Variants in TJP2 observed in about 807,000 individuals in gnomAD.
TJP2 encodes the protein Friedreich ataxia region gene X104 (tight junction protein ZO-2).
In TJP2, 91 loss-of-function variants were observed where a neutral mutation model predicts 133.1. That is an observed-to-expected ratio of 0.68 (90% CI 0.58 to 0.81). TJP2 has a LOEUF of 0.81. TJP2 is among the 40% of genes least tolerant of loss of function. TJP2 has a pLI of 0.00. For missense variants in TJP2, 1,541 were observed against 1,565.6 expected (o/e 0.98, Z 0.26); for synonymous variants, 592 against 583.4 (o/e 1.01, Z -0.21).
chr9:69,190,512 C>T (rs1826135459), intron 1 of TJP2, among the ~76,000 whole-genome samples: 1 of 152,166 alleles, frequency 6.6e-6, no homozygotes, highest in African/African-American at 2.4e-5. Flanking sequence ...AAGAACTTAC[C>T]TCTTATTAAT....
intron 2 of TJP2, among the ~76,000 whole-genome samples, chr9:69,214,501 A>G (rs2133225222): frequency 6.6e-6 from 1 of 152,328 alleles, no homozygotes; most frequent in South Asian, 2.1e-4. Context: ...TCTTCCATGC[A>G]TGAAGAAAAG....
At chr9:69,174,492 G>T (rs1217833838) in intron 1 of TJP2, 60 bp downstream of exon 1, 4 of 1,511,012 alleles carry the variant, frequency 2.6e-6, no homozygotes, top group Non-Finnish European at 3.6e-6. Flanking sequence ...GCGTGGGAGC[G>T]CTGGGGGCTC....
chr9:69,182,976 T>C (rs1158166288), intron 1 of TJP2, among the ~76,000 whole-genome samples: 2 of 151,276 alleles, frequency 1.3e-5, no homozygotes, highest in South Asian at 4.2e-4. Flanking sequence ...TTTTTTTTTT[T>C]AGTAGAGACA....
At chr9:69,216,556 A>G (rs1323324977) in intron 3 of TJP2, 93 bp downstream of exon 3, 32 of 1,401,006 alleles carry the variant, frequency 2.3e-5, no homozygotes, top group Non-Finnish European at 2.9e-5. Flanking sequence ...ATTTAAAAAA[A>G]AGAAAAAAAT....
At chr9:69,162,857 T>G (rs1465594829) in intron 2 of TJP2, among the ~76,000 whole-genome samples, 3 of 152,212 alleles carry the variant, frequency 2.0e-5, no homozygotes, top group Non-Finnish European at 4.4e-5. Context: ...ACTGCATAGT[T>G]TGAGTGAATA....
At chr9:69,248,553 C>A in intron 19 of TJP2, 7 of 1,230,930 alleles carry the variant, frequency 5.7e-6, no homozygotes, top group Non-Finnish European at 7.1e-6. Flanking sequence ...GTTGTATGTA[C>A]TTGTAACCTT....
chr9:69,240,755 T>G (rs953299400), intron 17 of TJP2, among the ~76,000 whole-genome samples: 2 of 151,310 alleles, frequency 1.3e-5, no homozygotes, highest in African/African-American at 4.9e-5. Context: ...TGAGCTGTGA[T>G]GGCACTGCTG....
chr9:69,245,933 C>G (rs963746753), intron 17 of TJP2, among the ~76,000 whole-genome samples: 3 of 152,176 alleles, frequency 2.0e-5, no homozygotes, highest in African/African-American at 7.2e-5. Flanking sequence ...AGTCAGCTCT[C>G]CATGTCTGTG....
chr9:69,222,509 T>C (rs979514162), intron 5 of TJP2, among the ~76,000 whole-genome samples: 3 of 152,162 alleles, frequency 2.0e-5, no homozygotes, highest in Admixed American at 2.0e-4. Context: ...TACCCAGCAT[T>C]GACCTAAATG....
At chr9:69,242,154 A>G (rs1830621140) in intron 17 of TJP2, among the ~76,000 whole-genome samples, 1 of 152,220 alleles carries the variant, frequency 6.6e-6, no homozygotes, top group South Asian at 2.1e-4. Flanking sequence ...GCAGCCAGTG[A>G]CTGTGGGGCT....
At chr9:69,139,558 C>T (rs1158711407) in intron 1 of TJP2, among the ~76,000 whole-genome samples, 1 of 152,172 alleles carries the variant, frequency 6.6e-6, no homozygotes, top group Non-Finnish European at 1.5e-5. Context: ...CCTACCTTCC[C>T]AGCACCTTGG....
chr9:69,175,547 A>G (rs1477838795), intron 1 of TJP2, among the ~76,000 whole-genome samples: 2 of 152,244 alleles, frequency 1.3e-5, no homozygotes, highest in African/African-American at 4.8e-5. Flanking sequence ...GTACCACTGC[A>G]TATCCTGCTT....
intron 21 of TJP2, among the ~76,000 whole-genome samples, chr9:69,251,849 G>A (rs892571473): frequency 6.6e-6 from 1 of 152,160 alleles, no homozygotes; most frequent in Non-Finnish European, 1.5e-5. Context: ...GGTCTGTGGA[G>A]TATATTTGCC....
In TJP2 at chr9:69,251,263, G is replaced by C; in HGVS notation, c.3220G>C (p.Ala1074Pro). 6.2e-7 allele frequency: 1 copy of C among 1,614,152 alleles called. No homozygotes were observed. Among genetic ancestry groups the C allele is most frequent in the Non-Finnish European group, 8.5e-7 (1 of 1,180,024 alleles). ...AGAGAGCAGTGAGGAGCAAGATAAT[G>C]CTCCCAAATCAGTCCTGGGCAAAGT... is the stretch of plus-strand genomic sequence containing the variant. Reference protein sequence around the residue: ...VGESSEEQDNAPKSVLGKVKI... With the variant: ...VGESSEEQDNPPKSVLGKVKI... Residue 1074 changes from alanine to proline, a missense_variant, in exon 21 of 23, where the codon GCT becomes CCT. Ala to Pro is a conservative substitution (Grantham distance 27). Transcript: ENST00000377245.
intron 1 of TJP2, among the ~76,000 whole-genome samples, chr9:69,208,840 C>T (rs1445523921): frequency 6.6e-6 from 1 of 151,980 alleles, no homozygotes; most frequent in Non-Finnish European, 1.5e-5. Context: ...CCCCTTAATT[C>T]ATGGGGCTAT....
intron 1 of TJP2, among the ~76,000 whole-genome samples, chr9:69,200,635 G>A (rs1291012247): frequency 6.6e-6 from 1 of 152,114 alleles, no homozygotes; most frequent in Non-Finnish European, 1.5e-5. Flanking sequence ...CTCAACTGAT[G>A]CTCCCACTTC....
chr9:69,137,299 CTTTTCTTTTCTTTTCT>C (rs763653104), intron 1 of TJP2, among the ~76,000 whole-genome samples: 7,963 of 84,834 alleles, frequency 0.094, 360 homozygotes, highest in South Asian at 0.17. Flanking sequence ...TTCTTTCTTT[CTTTTCTTTTCTTTTCT>C]TTTCTTTTCT....
chr9:69,202,487 A>T (rs1299987468), intron 1 of TJP2, among the ~76,000 whole-genome samples: 1 of 152,208 alleles, frequency 6.6e-6, no homozygotes, highest in East Asian at 1.9e-4. Flanking sequence ...AAATCCATGT[A>T]TAACTTTTGA....
In TJP2 at chr9:69,225,246, A is replaced by G. The variant is rs2133308487; in HGVS notation, c.953-58A>G. The G allele has an allele frequency of 4.4e-6, 5 of 1,138,176 alleles. No individual in the cohort carries two copies. In the Middle Eastern group the frequency reaches 9.8e-4, roughly 222 times the overall value. The allele number at this position is 1,138,176 out of a possible 1,614,324, so 70.5% of individuals were successfully genotyped here. On this transcript the variant is annotated intron_variant, in intron 5 of 22. Coordinates refer to ENST00000377245, the MANE Select transcript of TJP2 (RefSeq NM_004817.4). The stretch of plus-strand genomic sequence containing the variant: ...ATTTTAAAATAGTCCTATAAACCAG[A>G]CTAAGTTTTTTGAACAAATTGATAA...
Sources: gnomAD v4.1 joint callset for allele counts (sites outside exome capture counted in the v4.1 genomes callset) on GRCh38, gnomAD v4.1.1 for gene constraint, MANE v1.5 for transcripts, NCBI Gene and HGNC (gene_info 2026-07-23, HGNC 2026-07-21) for gene names.